GLB1L3: variants seen among roughly 807,000 people sequenced by gnomAD.
GLB1L3 encodes the protein galactosidase beta 1 like 3.
A neutral mutation model predicts 89.5 loss-of-function variants in GLB1L3; 89 were observed. That is an observed-to-expected ratio of 0.99 (90% CI 0.84 to 1.19). GLB1L3 has a LOEUF of 1.19. Among genes scored for constraint, GLB1L3 ranks in the 50% most tolerant of loss-of-function variants. GLB1L3 has a pLI of 0.00. For synonymous variants in GLB1L3, 314 were observed against 312.3 expected, an observed-to-expected ratio of 1.01 and a Z score of -0.06; for missense variants, 812 against 813.3, an observed-to-expected ratio of 1.00 and a Z score of 0.02.
chr11:134,284,135 C>T (rs1304032226), intron 6 of GLB1L3, among the ~76,000 whole-genome samples: 3 of 152,176 alleles, frequency 2.0e-5, no homozygotes, highest in African/African-American at 4.8e-5. Flanking sequence ...CCCATTGCTT[C>T]TTTCCACTTT....
intron 10 of GLB1L3, among the ~76,000 whole-genome samples, chr11:134,308,419 T>A (rs147279223): frequency 5.0e-5 from 1 of 19,804 alleles, no homozygotes; most frequent in African/African-American, 2.3e-4. Context: ...ACCACCACCA[T>A]CATCACCATC....
At chr11:134,286,501 C>T (rs7123222) in intron 6 of GLB1L3, among the ~76,000 whole-genome samples, 62,339 of 136,208 alleles carry the variant, frequency 0.46, 13,626 homozygotes, top group Non-Finnish European at 0.52. Context: ...GGTGGCCGGG[C>T]GCGGTGGCTC....
chr11:134,278,815 G>A (rs766757496), intron 3 of GLB1L3, among the ~76,000 whole-genome samples: 7 of 152,274 alleles, frequency 4.6e-5, no homozygotes, highest in Middle Eastern at 3.4e-3. Context: ...AGAAATAATC[G>A]TTGAGTTTTA....
At chr11:134,316,066 A>G (rs1016765624) in intron 18 of GLB1L3, among the ~76,000 whole-genome samples, 1 of 152,128 alleles carries the variant, frequency 6.6e-6, no homozygotes, top group African/African-American at 2.4e-5. Flanking sequence ...TGCAGCCTCT[A>G]TCTCCAGTTC....
At position 134,319,164 on chromosome 11, in the gene GLB1L3, C is replaced by A; in HGVS notation, c.*222C>A. The A allele has an allele frequency of 2.0e-6, 1 of 488,634 alleles. No individual in the cohort carries two copies. The highest frequency in any genetic ancestry group is 2.3e-5 in the South Asian group (1 of 42,658). The allele number at this position is 488,634 out of a possible 1,614,324, so 30.3% of individuals were successfully genotyped here. ...AGAGATGGGGTTTCACCAAGTTAGC[C>A]AGGATGGTCCCAATCTCCTGACCTT... On this transcript the variant is annotated 3_prime_UTR_variant, in exon 20 of 20. Transcript: ENST00000431683.
chr11:134,278,060 C>T (rs1050481446), intron 3 of GLB1L3, 148 bp downstream of exon 3: 3 of 750,424 alleles, frequency 4.0e-6, no homozygotes, highest in Non-Finnish European at 6.6e-6. Context: ...CTTAAGCGTC[C>T]AGCTGTCACT....
chr11:134,277,829 C>A lies in GLB1L3; in HGVS notation c.279C>A (p.Ser93=). The A allele has an allele frequency of 1.2e-6, 2 of 1,614,124 alleles. No individual in the cohort carries two copies. The highest frequency in any genetic ancestry group is 1.7e-6 in the Non-Finnish European group (2 of 1,180,022). ...ACAAGTTCCTGATCTTCGGGGGCTC[C>A]ATCCACTATTTCCGGGTGCCCAGGG... is the stretch of plus-strand genomic sequence containing the variant. The part of the protein sequence containing the change: ...EGHKFLIFGG[S]IHYFRVPREY... The change falls in exon 3 of 20, where the codon TCC becomes TCA. Residue 93 remains serine (S), a synonymous_variant. Coordinates refer to ENST00000431683, the MANE Select transcript of GLB1L3 (RefSeq NM_001080407.3).
In GLB1L3 at chr11:134,277,325, G is replaced by T; in HGVS notation, c.24-1G>T. ...GTCACTGTTGTCCTTTCTCCTTTCA[G>T]CCCGTGTCTCTCCTGGAAGAGAATG... On this transcript the variant is annotated splice_acceptor_variant, in intron 1 of 19. Transcript: ENST00000431683. LOFTEE classifies it high-confidence loss of function. The T allele has an allele frequency of 6.2e-7, 1 of 1,613,870 alleles. No homozygotes were observed. Among genetic ancestry groups the T allele is most frequent in the Admixed American group, 1.7e-5 (1 of 60,028 alleles).
the GLB1L3 span, among the ~76,000 whole-genome samples, chr11:134,324,569 A>G: frequency 6.6e-6 from 1 of 152,172 alleles, no homozygotes; most frequent in Non-Finnish European, 1.5e-5. Context: ...ATTTTTGCCG[A>G]CCACTATCGT....
chr11:134,320,421 C>T (rs1943151045), downstream of GLB1L3, among the ~76,000 whole-genome samples: 1 of 152,140 alleles, frequency 6.6e-6, no homozygotes, highest in Non-Finnish European at 1.5e-5. Context: ...AGGAGGGAAG[C>T]AGAACTAATA....
intron 1 of GLB1L3, 36 bp from the exon 2 acceptor site, chr11:134,277,290 C>T: frequency 1.9e-6 from 3 of 1,613,452 alleles, no homozygotes; most frequent in Non-Finnish European, 2.5e-6. Context: ...GGGGCCGGAA[C>T]CTTCCCCTTG....
In GLB1L3 at chr11:134,293,188, C is replaced by G. The variant is rs766865611; in HGVS notation, c.855C>G (p.Phe285Leu). The G allele has an allele frequency of 2.5e-6, 4 of 1,613,752 alleles. No homozygotes were observed. Among genetic ancestry groups the G allele is most frequent in the East Asian group, 2.2e-5 (1 of 44,880 alleles). ...INLQKLHQDT[F>L]NQLHKVQRDK... The stretch of plus-strand genomic sequence containing the variant: ...TGCAAAAACTTCACCAGGATACTTT[C>G]AATCAGCTTCATAAAGTCCAGGTAA... Residue 285 changes from phenylalanine (F) to leucine (L), a missense_variant, in exon 9 of 20, where the codon TTC becomes TTG. Phe to Leu is a conservative substitution (Grantham distance 22). This residue lies in a region of GLB1L3 where 618 missense variants were observed against 604.0 expected (regional missense o/e 1.02). Coordinates refer to ENST00000431683, the MANE Select transcript of GLB1L3 (RefSeq NM_001080407.3).
intron 12 of GLB1L3, 39 bp from the exon 13 acceptor site, chr11:134,311,025 C>A: frequency 6.7e-7 from 1 of 1,489,386 alleles, no homozygotes; most frequent in Non-Finnish European, 9.4e-7. Context: ...CAGTGGTCAT[C>A]TCAGGCACTT....
At chr11:134,289,155 G>A (rs941078660) in intron 7 of GLB1L3, among the ~76,000 whole-genome samples, 13 of 152,118 alleles carry the variant, frequency 8.5e-5, no homozygotes, top group Admixed American at 7.2e-4. Context: ...TGCAGGTTTT[G>A]TATATCTATT....
rs1943114516 is a variant in GLB1L3, at chr11:134,319,223, G to A, written c.*281G>A. On this transcript the variant is annotated 3_prime_UTR_variant, in exon 20 of 20. Transcript: ENST00000431683. Reference sequence around the variant, plus strand: ...CTCTCCTCAGCCTCCCAAAGTACTGGGATTACAGGCGTGAGCCACCACTCC... The same window carrying A: ...CTCTCCTCAGCCTCCCAAAGTACTGAGATTACAGGCGTGAGCCACCACTCC... 3.1e-6 allele frequency: 1 copy of A among 318,152 alleles called. No homozygotes were observed. Among genetic ancestry groups the A allele is most frequent in the African/African-American group, 2.1e-5 (1 of 46,558 alleles). The allele number at this position is 318,152 out of a possible 1,614,324, so 19.7% of individuals were successfully genotyped here. A position where few individuals can be genotyped will look rare whatever the true frequency, so the allele number is the denominator to read the frequency against.
chr11:134,302,899 T>C (rs912329775), intron 9 of GLB1L3, among the ~76,000 whole-genome samples: 1 of 152,214 alleles, frequency 6.6e-6, no homozygotes, highest in Non-Finnish European at 1.5e-5. Context: ...GCTGGTTGTA[T>C]TGGTCACTGA....
downstream of GLB1L3, among the ~76,000 whole-genome samples, chr11:134,323,920 G>T (rs1434740079): frequency 6.6e-6 from 1 of 152,110 alleles, no homozygotes; most frequent in Non-Finnish European, 1.5e-5. Flanking sequence ...CTCTGTTTTT[G>T]GTTGAAGAGG....
At chr11:134,305,596 T>G (rs1201620804) in intron 9 of GLB1L3, among the ~76,000 whole-genome samples, 2 of 152,254 alleles carry the variant, frequency 1.3e-5, no homozygotes, top group Non-Finnish European at 2.9e-5. Flanking sequence ...TCTTTCCTCT[T>G]GAATACAAAT....
At chr11:134,300,928 G>A (rs933910063) in intron 9 of GLB1L3, among the ~76,000 whole-genome samples, 2 of 152,178 alleles carry the variant, frequency 1.3e-5, no homozygotes, top group Admixed American at 6.5e-5. Flanking sequence ...GCTGGGGGAC[G>A]CAATTCAGCC....
Sources: allele counts gnomAD v4.1 joint callset (sites outside exome capture counted in the v4.1 genomes callset), GRCh38; gene constraint gnomAD v4.1.1; regional missense constraint gnomAD v4.1.1; transcripts MANE v1.5; gene names NCBI Gene and HGNC (gene_info 2026-07-23, HGNC 2026-07-21).